The following AXIN1 variants were observed in gnomAD, a reference collection of about 807,000 sequenced individuals.
AXIN1 encodes axin 1.
AXIN1 carries 30 observed loss-of-function variants against 76.4 expected under a neutral mutation model. The ratio of observed to expected loss-of-function variants is 0.39; its 90% confidence interval spans 0.29 to 0.53. AXIN1 has a LOEUF of 0.53. AXIN1 is among the 20% of genes least tolerant of loss of function. The pLI is 0.66. For synonymous variants in AXIN1, 545 were observed against 501.4 expected, an observed-to-expected ratio of 1.09 and a Z score of -1.16; for missense variants, 1,140 against 1,198.8, an observed-to-expected ratio of 0.95 and a Z score of 0.72.
chr16:351,469 A>G (rs989412006), intron 1 of AXIN1, among the ~76,000 whole-genome samples: 4 of 151,896 alleles, frequency 2.6e-5, no homozygotes, highest in African/African-American at 9.7e-5. Context: ...AATTAGCCGG[A>G]TGTGGTGGCG....
In AXIN1 at chr16:346,856, G is replaced by A. The variant is rs574168909; in HGVS notation, c.170C>T (p.Ser57Leu). ...ATCCGAGCGCCTCGGAGTGGCCGTC[G>A]AAGTCTCACCTTTAATGCCAACACC... ...GKGVGIKGET[S>L]TATPRRSDLD... is the part of the protein sequence containing the mutation. Residue 57 changes from serine to leucine, a missense_variant, in exon 2 of 11, where the codon TCG becomes TTG. Ser to Leu is a moderately radical substitution (Grantham distance 145). Around this residue, in one of 3 missense-constraint regions of AXIN1, gnomAD observed 708 missense variants for 776.9 expected, o/e 0.91. Coordinates refer to ENST00000262320, the MANE Select transcript of AXIN1 (RefSeq NM_003502.4). The A allele has an allele frequency of 6.2e-6, 10 of 1,613,504 alleles. No homozygotes were observed. The highest frequency in any genetic ancestry group is 5.5e-5 in the South Asian group (5 of 91,076).
chr16:339,967 G>A (rs952634568), intron 2 of AXIN1, among the ~76,000 whole-genome samples: 3 of 152,012 alleles, frequency 2.0e-5, no homozygotes, highest in Non-Finnish European at 4.4e-5. Context: ...GAGGTCCAAC[G>A]GACATGGAAA....
chr16:324,897 C>A (rs1026302716), intron 2 of AXIN1, among the ~76,000 whole-genome samples: 4 of 152,258 alleles, frequency 2.6e-5, no homozygotes, highest in Non-Finnish European at 5.9e-5. Flanking sequence ...AGGGAGGCAG[C>A]AGCGCCCGGT....
chr16:293,179 T>A lies in AXIN1; in HGVS notation c.2186+309A>T. The A allele has an allele frequency of 2.1e-6, 1 of 474,226 alleles. No homozygotes were observed. 29.4% of individuals were successfully genotyped at this position (474,226 alleles called of 1,614,324 possible). ...GCAGCCTCTGGCTGGGGACCGGCGTTCCCCACACACTGGGGCCCTGCAGCC... is the reference window on the plus strand; with the variant it reads ...GCAGCCTCTGGCTGGGGACCGGCGTACCCCACACACTGGGGCCCTGCAGCC... On this transcript the variant is annotated intron_variant, in intron 8 of 10. Coordinates refer to ENST00000262320, the MANE Select transcript of AXIN1 (RefSeq NM_003502.4). The surrounding 1 kb of genome is among the most constrained non-coding windows in gnomAD (Gnocchi z 4.6).
intron 2 of AXIN1, among the ~76,000 whole-genome samples, chr16:320,802 C>T (rs372704140): frequency 6.3e-5 from 9 of 142,974 alleles, no homozygotes; most frequent in East Asian, 4.0e-4. Flanking sequence ...TGCAGTGGCG[C>T]GATCTCGGCT....
At chr16:342,552 C>G (rs1181351047) in intron 2 of AXIN1, among the ~76,000 whole-genome samples, 27 of 152,226 alleles carry the variant, frequency 1.8e-4, no homozygotes, top group Admixed American at 1.7e-3. Flanking sequence ...GGACTGCCCC[C>G]AGCTCCCCAC....
intron 2 of AXIN1, among the ~76,000 whole-genome samples, chr16:333,699 G>C (rs535165263): frequency 1.1e-4 from 16 of 151,952 alleles, no homozygotes; most frequent in Non-Finnish European, 1.9e-4. Context: ...ATTTATGGGG[G>C]GGGTGCCACC....
intron 2 of AXIN1, among the ~76,000 whole-genome samples, chr16:328,934 C>G (rs1030263088): frequency 6.6e-6 from 1 of 152,134 alleles, no homozygotes; most frequent in Non-Finnish European, 1.5e-5. Flanking sequence ...CCTGTCCTCT[C>G]TGCACAACCC....
At position 306,043 on chromosome 16, in the gene AXIN1, C is replaced by T. The variant is rs902821081; in HGVS notation, c.1117-1602G>A. On this transcript the variant is annotated intron_variant, in intron 4 of 10. Transcript: ENST00000262320. Reference sequence around the variant, plus strand: ...AAAAATAGAACAAGGAATTCCCGTCCACCTTCACCCAGATTCCCCAAGGGC... The same window carrying T: ...AAAAATAGAACAAGGAATTCCCGTCTACCTTCACCCAGATTCCCCAAGGGC... Among the ~76,000 whole-genome samples, 4 of 152,102 alleles carry T rather than the reference C, an allele frequency of 2.6e-5. No homozygotes were observed. The East Asian group carries it at 7.7e-4, about 29-fold the overall frequency.
Position 332,460 on chromosome 16 carries a change from C to T in AXIN1, c.878+13688G>A, listed in dbSNP as rs369096858. ...GGCGTGGTGGCGGGCGCCTGTAGTCCCAGCTCTAGGGAGGCTGAGGCAGGA... is the reference window on the plus strand; with the variant it reads ...GGCGTGGTGGCGGGCGCCTGTAGTCTCAGCTCTAGGGAGGCTGAGGCAGGA... On this transcript the variant is annotated intron_variant, in intron 2 of 10. Transcript: ENST00000262320. 2.2e-3 allele frequency among the ~76,000 whole-genome samples: 332 copies of T among 151,622 alleles called. 3 individuals carry two copies. The highest frequency in any genetic ancestry group is 7.8e-3 in the African/African-American group (320 of 41,276).
In AXIN1 at chr16:326,394, T is replaced by TAC. The variant is rs1555483830; in HGVS notation, c.879-11713_879-11712dup. Among the ~76,000 whole-genome samples the TAC allele has an allele frequency of 3.6e-3, 426 of 119,592 alleles. 9 individuals are homozygous for TAC. Among genetic ancestry groups the TAC allele is most frequent in the African/African-American group, 0.014 (401 of 28,332 alleles). 78.5% of individuals were successfully genotyped at this position (119,592 alleles called of 152,430 possible). A position where few individuals can be genotyped will look rare whatever the true frequency, so the allele number is the denominator to read the frequency against. On this transcript the variant is annotated intron_variant, in intron 2 of 10. Coordinates refer to ENST00000262320, the MANE Select transcript of AXIN1 (RefSeq NM_003502.4). ...AAAAATATATATATATATATATATA[T>TAC]ACACACCTATAGATAAATAACCTAC...
chr16:341,367 A>G (rs112218732), intron 2 of AXIN1, among the ~76,000 whole-genome samples: 175 of 152,316 alleles, frequency 1.1e-3, no homozygotes, highest in African/African-American at 4.1e-3. Flanking sequence ...GCAGCCGGCC[A>G]GCCCTGCCGG....
chr16:290,714 G>A (rs2052531757), intron 9 of AXIN1: 1 of 299,632 alleles, frequency 3.3e-6, no homozygotes, highest in African/African-American at 2.2e-5. Context: ...TTGTAGGTGG[G>A]AGCAGAGCCC....
At chr16:296,724 G>A (rs924288789) in intron 7 of AXIN1, among the ~76,000 whole-genome samples, 1 of 152,194 alleles carries the variant, frequency 6.6e-6, no homozygotes, top group Non-Finnish European at 1.5e-5. Flanking sequence ...GCCTTCCCAG[G>A]TGACTTAGGT....
At chr16:291,120 C>T (rs55886111) in intron 9 of AXIN1, 70 bp downstream of exon 9, 109,010 of 1,456,738 alleles carry the variant, frequency 0.075, 5,608 homozygotes, top group South Asian at 0.23. Flanking sequence ...GGCGGCTCTA[C>T]GATGGGACCT....
At chr16:291,800 G>C (rs1567259175) in intron 8 of AXIN1, 1 of 230,880 alleles carries the variant, frequency 4.3e-6, no homozygotes, top group Non-Finnish European at 8.8e-6. Flanking sequence ...ACCTCCACCG[G>C]GGTACACTGG....
At chr16:291,332 G>A (rs541104498) in intron 8 of AXIN1, 35 bp from the exon 9 acceptor site, 21 of 1,525,518 alleles carry the variant, frequency 1.4e-5, no homozygotes, top group East Asian at 7.3e-5. Context: ...TGGCTGTGCC[G>A]GCGGCCACCA....
At chr16:324,621 C>A (rs112454062) in intron 2 of AXIN1, among the ~76,000 whole-genome samples, 2 of 152,228 alleles carry the variant, frequency 1.3e-5, no homozygotes, top group African/African-American at 4.8e-5. Flanking sequence ...ACACGCCGCA[C>A]GTCAGCACAT....
chr16:346,274 T>C lies in AXIN1; in HGVS notation c.752A>G (p.Gln251Arg). 2 of 1,614,218 alleles carry C rather than the reference T, an allele frequency of 1.2e-6. No individual in the cohort carries two copies. The highest frequency in any genetic ancestry group is 1.7e-6 in the Non-Finnish European group (2 of 1,180,022). ...TCTGCCATCGTCCTCATCCATGTCC[T>C]GGTCACACTTCCATTCCTCATCTTC... is the stretch of plus-strand genomic sequence containing the variant. ...LNEDEEWKCD[Q>R]DMDEDDGRDA... The change falls in exon 2 of 11, where the codon CAG becomes CGG. Residue 251 changes from glutamine (Q) to arginine (R), a missense_variant. By Grantham distance (43) the Gln-to-Arg change is conservative. This residue lies in a region of AXIN1 where 708 missense variants were observed against 776.9 expected (regional missense o/e 0.91). Coordinates refer to ENST00000262320, the MANE Select transcript of AXIN1 (RefSeq NM_003502.4).
Sources: allele counts gnomAD v4.1 joint callset (sites outside exome capture counted in the v4.1 genomes callset), GRCh38; gene constraint gnomAD v4.1.1; regional missense constraint gnomAD v4.1.1; non-coding constraint Gnocchi (gnomAD v3.1); transcripts MANE v1.5; gene names NCBI Gene and HGNC (gene_info 2026-07-23, HGNC 2026-07-21).